Variants in CCDC7 observed in about 807,000 individuals in gnomAD.
CCDC7 encodes the protein coiled-coil domain-containing protein 7.
Under a neutral mutation model 196.9 loss-of-function variants are expected in CCDC7, and 183 were observed. The observed-to-expected ratio is 0.93, with a 90% CI of 0.82 to 1.05. CCDC7 has a LOEUF of 1.05. Ranked by LOEUF, CCDC7 falls within the 50% of genes least tolerant of loss-of-function variation. The pLI, the probability that CCDC7 is intolerant of heterozygous loss-of-function variation, is 0.00. For missense variants in CCDC7, 1,540 were observed against 1,482.2 expected, an observed-to-expected ratio of 1.04 and a Z score of -0.64; for synonymous variants, 525 against 484.6, an observed-to-expected ratio of 1.08 and a Z score of -1.10.
At chr10:32,846,851 C>G (rs2093318245) in intron 37 of CCDC7, among the ~76,000 whole-genome samples, 1 of 152,180 alleles carries the variant, frequency 6.6e-6, no homozygotes, top group South Asian at 2.1e-4. Flanking sequence ...AATTATTTCA[C>G]TGGTTATCCA....
rs1462675691 is a variant in CCDC7, at chr10:32,689,048, T to C, written c.2234-5T>C. 26 of 1,530,392 alleles carry C rather than the reference T, an allele frequency of 1.7e-5. No homozygotes were observed. The highest frequency in any genetic ancestry group is 2.3e-5 in the Non-Finnish European group (25 of 1,108,246). 94.8% of individuals were successfully genotyped at this position (1,530,392 alleles called of 1,614,324 possible). A position where few individuals can be genotyped will look rare whatever the true frequency, so the allele number is the denominator to read the frequency against. On this transcript the variant is annotated splice_region_variant and splice_polypyrimidine_tract_variant and intron_variant, in intron 22 of 41. Coordinates refer to ENST00000639629, the Ensembl canonical transcript of CCDC7. ...TTAGCGGACTAAACACATCTTTTTC[T>C]GTAGCTCCTGATAAAGAACCAAATG...
At chr10:32,705,224 C>G (rs2079505177) in intron 24 of CCDC7, among the ~76,000 whole-genome samples, 1 of 152,088 alleles carries the variant, frequency 6.6e-6, no homozygotes. Flanking sequence ...AACTAAGCTT[C>G]ATAAGTGAAG....
At chr10:32,616,928 T>TGATGTATTTCA (rs2062839137) in intron 18 of CCDC7, among the ~76,000 whole-genome samples, 1 of 151,942 alleles carries the variant, frequency 6.6e-6, no homozygotes, top group African/African-American at 2.4e-5. Flanking sequence ...GTGGTTTTTG[T>TGATGTATTTCA]CCTTAATGTT....
chr10:32,704,100 A>G (rs1195326900), intron 24 of CCDC7, among the ~76,000 whole-genome samples: 1 of 152,080 alleles, frequency 6.6e-6, no homozygotes, highest in Non-Finnish European at 1.5e-5. Context: ...TCTGATTTTT[A>G]GAATTTTCCA....
At chr10:32,676,108 A>G (rs1193048058) in intron 21 of CCDC7, among the ~76,000 whole-genome samples, 2 of 148,896 alleles carry the variant, frequency 1.3e-5, no homozygotes, top group Admixed American at 6.8e-5. Context: ...GATCTTTGTC[A>G]AACCTGAGAA....
In CCDC7 at chr10:32,639,897, G is replaced by A. The variant is rs568045229; in HGVS notation, c.2014+4739G>A. ...CTCCCAAATTGCTGGGATTACAAGC[G>A]TGAGCCACTGCACCCGACCAATTTC... On this transcript the variant is annotated intron_variant, in intron 20 of 41. Transcript: ENST00000639629. Among the ~76,000 whole-genome samples the A allele has an allele frequency of 3.3e-5, 5 of 152,248 alleles. No individual in the cohort carries two copies. The East Asian group carries it at 7.7e-4, about 23-fold the overall frequency.
chr10:32,633,730 G>A (rs12220713), intron 18 of CCDC7, among the ~76,000 whole-genome samples: 17,233 of 97,132 alleles, frequency 0.18, 1,348 homozygotes, highest in East Asian at 0.29. Context: ...GTGTGTGTGT[G>A]TATATATATG....
chr10:32,523,607 ATCTT>A (rs2048211091), intron 11 of CCDC7, among the ~76,000 whole-genome samples: 1 of 151,176 alleles, frequency 6.6e-6, no homozygotes, highest in Non-Finnish European at 1.5e-5. Context: ...ATTGATATCT[ATCTT>A]TCTCTTTAGC....
At chr10:32,817,124 A>G (rs1229854448) in intron 31 of CCDC7, among the ~76,000 whole-genome samples, 1 of 152,160 alleles carries the variant, frequency 6.6e-6, no homozygotes, top group Non-Finnish European at 1.5e-5. Context: ...AGAATAACCA[A>G]TGCAGAGAAG....
At chr10:32,465,516 G>T (rs867436268) in intron 5 of CCDC7, among the ~76,000 whole-genome samples, 10 of 149,784 alleles carry the variant, frequency 6.7e-5, no homozygotes, top group Admixed American at 6.6e-4. Flanking sequence ...CTAGTCCTTT[G>T]GCTTCTGTGA....
At chr10:32,563,543 A>C (rs1259358642) in intron 13 of CCDC7, among the ~76,000 whole-genome samples, 3 of 152,220 alleles carry the variant, frequency 2.0e-5, no homozygotes, top group East Asian at 3.8e-4. Context: ...AAAATAAGCA[A>C]TGGGGAAAGG....
chr10:32,720,053 A>G (rs969124274), intron 25 of CCDC7, among the ~76,000 whole-genome samples: 4 of 152,090 alleles, frequency 2.6e-5, no homozygotes, highest in Non-Finnish European at 5.9e-5. Context: ...TATATACCCA[A>G]ACGATTATAA....
chr10:32,632,268 G>A (rs138018253), intron 18 of CCDC7, among the ~76,000 whole-genome samples: 5,585 of 151,624 alleles, frequency 0.037, 115 homozygotes, highest in Non-Finnish European at 0.05. Context: ...TGCTAGCTAT[G>A]AAATTCCCTT....
intron 24 of CCDC7, among the ~76,000 whole-genome samples, chr10:32,696,438 C>CTGGGGACA (rs1422057036): frequency 2.0e-5 from 3 of 151,526 alleles, no homozygotes; most frequent in Admixed American, 6.6e-5. Flanking sequence ...CCATTCCTCA[C>CTGGGGACA]TGGGGACATA....
chr10:32,765,705 G>T (rs2078176818), intron 28 of CCDC7, among the ~76,000 whole-genome samples: 1 of 151,944 alleles, frequency 6.6e-6, no homozygotes, highest in Non-Finnish European at 1.5e-5. Context: ...TCACCTATTT[G>T]TCCTGTTCAG....
At chr10:32,616,898 G>A (rs1402536295) in intron 18 of CCDC7, among the ~76,000 whole-genome samples, 2 of 151,746 alleles carry the variant, frequency 1.3e-5, no homozygotes, top group African/African-American at 4.8e-5. Context: ...TGCTTTTTCT[G>A]TGCCTGTTGA....
At chr10:32,715,267 T>A (rs1242257159) in intron 25 of CCDC7, among the ~76,000 whole-genome samples, 1 of 151,952 alleles carries the variant, frequency 6.6e-6, no homozygotes, top group African/African-American at 2.4e-5. Context: ...GGGTATGGAG[T>A]GGACCTCCAG....
chr10:32,489,990 GGTTATTA>G (rs2041900998), intron 8 of CCDC7, among the ~76,000 whole-genome samples: 1 of 152,090 alleles, frequency 6.6e-6, no homozygotes, highest in South Asian at 2.1e-4. Context: ...TGGTGGCAGT[GGTTATTA>G]GTTATCTCAG....
intron 11 of CCDC7, among the ~76,000 whole-genome samples, chr10:32,521,786 G>C (rs2047920937): frequency 6.6e-6 from 1 of 152,104 alleles, no homozygotes; most frequent in African/African-American, 2.4e-5. Context: ...CCAGATCTTA[G>C]AGAAAAGGCT....
Sources: gnomAD v4.1 joint callset for allele counts (sites outside exome capture counted in the v4.1 genomes callset) on GRCh38, gnomAD v4.1.1 for gene constraint, MANE v1.5 for transcripts, NCBI Gene and HGNC (gene_info 2026-07-23, HGNC 2026-07-21) for gene names.